CFAP70: variants seen among roughly 807,000 people sequenced by gnomAD.
CFAP70 encodes cilia and flagella associated protein 70, also known as cilia- and flagella-associated protein 70.
In CFAP70, 81 loss-of-function variants were observed where a neutral mutation model predicts 137.6. The ratio of observed to expected loss-of-function variants is 0.59; its 90% CI spans 0.49 to 0.71. The LOEUF is 0.71. Ranked by LOEUF, CFAP70 falls within the 30% of genes least tolerant of loss-of-function variation. The pLI, the probability that CFAP70 is intolerant of heterozygous loss-of-function variation, is 0.00. For missense variants in CFAP70, 976 were observed against 1,226.7 expected, an observed-to-expected ratio of 0.80 and a Z score of 3.05; for synonymous variants, 382 against 423.6, an observed-to-expected ratio of 0.90 and a Z score of 1.20.
intron 24 of CFAP70, among the ~76,000 whole-genome samples, chr10:73,270,355 T>C (rs911616685): frequency 3.9e-5 from 6 of 152,120 alleles, no homozygotes; most frequent in African/African-American, 1.4e-4. Context: ...CAAAAGGCTC[T>C]CCCTTCCCCA....
chr10:73,265,243 A>AACCTGGGAGGCGGAGCT (rs1361451863), intron 25 of CFAP70, among the ~76,000 whole-genome samples: 2 of 151,788 alleles, frequency 1.3e-5, no homozygotes, highest in Non-Finnish European at 2.9e-5. Context: ...GAGAATGGTG[A>AACCTGGGAGGCGGAGCT]ACCTGGGAGG....
chr10:73,322,906 TA>T, intron 9 of CFAP70, 56 bp downstream of exon 10: 1 of 1,464,700 alleles, frequency 6.8e-7, no homozygotes, highest in Non-Finnish European at 9.2e-7. Context: ...AAGATGTAAG[TA>T]AACAGATATA....
chr10:73,270,136 C>A (rs1014867196), intron 24 of CFAP70, among the ~76,000 whole-genome samples: 1 of 152,086 alleles, frequency 6.6e-6, no homozygotes, highest in Non-Finnish European at 1.5e-5. Context: ...CATTGTGCAT[C>A]CTTTTCTTGA....
intron 5 of CFAP70, 57 bp from the exon 7 acceptor site, chr10:73,341,638 A>G (rs1195974793): frequency 7.0e-7 from 1 of 1,435,762 alleles, no homozygotes; most frequent in African/African-American, 1.4e-5. Flanking sequence ...GAAATGGACA[A>G]GAAGATTATT....
intron 12 of CFAP70, among the ~76,000 whole-genome samples, chr10:73,303,584 T>C (rs2049130811): frequency 6.7e-6 from 1 of 148,936 alleles, no homozygotes; most frequent in Non-Finnish European, 1.5e-5. Context: ...GGAGAAGAAA[T>C]GCCTTTGAAA....
At chr10:73,290,036 C>T (rs1369047467) in intron 19 of CFAP70, among the ~76,000 whole-genome samples, 1 of 118,160 alleles carries the variant, frequency 8.5e-6, no homozygotes, top group Admixed American at 8.1e-5. Flanking sequence ...CAGAGCAAGA[C>T]TCCATCTCAA....
chr10:73,318,401 C>G (rs1267912707), intron 9 of CFAP70, among the ~76,000 whole-genome samples: 1 of 152,100 alleles, frequency 6.6e-6, no homozygotes, highest in Non-Finnish European at 1.5e-5. Flanking sequence ...TTTTGACTTT[C>G]ATTTAACAGA....
At chr10:73,348,213 T>C in intron 4 of CFAP70, 1 of 1,614,222 alleles carries the variant, frequency 6.2e-7, no homozygotes. Context: ...GCAATGGAAC[T>C]GTTGTTTGAA....
At position 73,291,293 on chromosome 10, in the gene CFAP70, T is replaced by G. The variant is rs200463079; in HGVS notation, c.2172A>C (p.Glu724Asp). The G allele has an allele frequency of 9.5e-5, 153 of 1,614,192 alleles. 1 individual carries two copies. In the East Asian group the frequency reaches 2.1e-3, roughly 22 times the overall value. The stretch of plus-strand genomic sequence containing the variant: ...TGATTCCCCAAGGGCCTAAACTAGA[T>G]TCTCTCTTCCCTCTTTCCTCAGTGT... Residue 724 changes from glutamate (E) to aspartate (D), a missense_variant, in exon 19 of 27, where the codon GAA becomes GAC. Transcript: ENST00000310715.
At chr10:73,360,867 T>A (rs1356406024), upstream of CFAP70, among the ~76,000 whole-genome samples, 1 of 152,212 alleles carries the variant, frequency 6.6e-6, no homozygotes, top group Non-Finnish European at 1.5e-5. Flanking sequence ...TCGCTCATGA[T>A]CTTGGTCTAC....
chr10:73,282,543 G>T (rs1234922170), intron 19 of CFAP70, among the ~76,000 whole-genome samples: 1 of 152,070 alleles, frequency 6.6e-6, no homozygotes, highest in Non-Finnish European at 1.5e-5. Context: ...GGGATTACAG[G>T]TGTGCACCAC....
At chr10:73,324,303 C>T (rs1428270392) in intron 8 of CFAP70, among the ~76,000 whole-genome samples, 3 of 152,190 alleles carry the variant, frequency 2.0e-5, no homozygotes, top group Non-Finnish European at 4.4e-5. Flanking sequence ...AACTAACAAA[C>T]AGAAAGGACA....
At position 73,291,214 on chromosome 10, in the gene CFAP70, C is replaced by T. The variant is rs751735208; in HGVS notation, c.2239+12G>A. The T allele has an allele frequency of 6.2e-7, 1 of 1,613,370 alleles. No individual in the cohort carries two copies. Among genetic ancestry groups the T allele is most frequent in the Non-Finnish European group, 8.5e-7 (1 of 1,179,436 alleles). ...CTAATAGCCACTCTTCACCTCTATT[C>T]CCTGGCTCTACCTGCTGGGGCTTCC... On this transcript the variant is annotated intron_variant, in intron 19 of 26. Coordinates refer to ENST00000310715, the Ensembl canonical transcript of CFAP70.
At chr10:73,291,199 C>T in intron 19 of CFAP70, 27 bp downstream of exon 20, 1 of 1,607,966 alleles carries the variant, frequency 6.2e-7, no homozygotes, top group Non-Finnish European at 8.5e-7. Flanking sequence ...CTAATAGCCA[C>T]TCTTCACCTC....
intron 19 of CFAP70, among the ~76,000 whole-genome samples, chr10:73,289,621 C>T (rs1757452210): frequency 6.6e-6 from 1 of 152,004 alleles, no homozygotes; most frequent in African/African-American, 2.4e-5. Context: ...AGAAGAGTAA[C>T]AAAACCAAAA....
At chr10:73,354,247 CAT>C (rs1229544470) in intron 2 of CFAP70, among the ~76,000 whole-genome samples, 4 of 152,194 alleles carry the variant, frequency 2.6e-5, no homozygotes, top group African/African-American at 7.2e-5. Context: ...TACATGCACA[CAT>C]AGATACATTT....
At chr10:73,334,023 C>G (rs1342984859) in intron 7 of CFAP70, among the ~76,000 whole-genome samples, 1 of 152,142 alleles carries the variant, frequency 6.6e-6, no homozygotes, top group Non-Finnish European at 1.5e-5. Context: ...TCTAAAATAT[C>G]TGCTCAATTT....
At chr10:73,293,384 A>T in exon 16 of CFAP70, 1 of 1,596,122 alleles carries the variant, frequency 6.3e-7, no homozygotes, top group East Asian at 2.2e-5. Flanking sequence ...ATCATCTGGC[A>T]TGGTCTTGTC....
intron 12 of CFAP70, among the ~76,000 whole-genome samples, chr10:73,309,657 A>AAT (rs2049725089): frequency 7.6e-6 from 1 of 131,104 alleles, no homozygotes; most frequent in Admixed American, 7.4e-5. Flanking sequence ...ATTTCCTAAG[A>AAT]ATTTTTTTTT....
Sources: allele counts gnomAD v4.1 joint callset (sites outside exome capture counted in the v4.1 genomes callset), GRCh38; gene constraint gnomAD v4.1.1; transcripts MANE v1.5; gene names NCBI Gene and HGNC (gene_info 2026-07-23, HGNC 2026-07-21).